KLHDC4: variants seen among roughly 807,000 people sequenced by gnomAD.
KLHDC4 encodes the protein kelch domain containing 4, also known as kelch domain-containing protein 4.
In KLHDC4, 90 loss-of-function variants were observed where a neutral mutation model predicts 62.4. The observed-to-expected ratio is 1.44, with a 90% CI of 1.22 to 1.72. The LOEUF is 1.72. Among genes scored for constraint, KLHDC4 ranks in the 40% most tolerant of loss-of-function variants. The probability of loss-of-function intolerance (pLI) is 0.00; values close to 1 mark genes in which losing one functional copy is unlikely to be tolerated. For missense variants in KLHDC4, 1,025 were observed against 699.7 expected, an observed-to-expected ratio of 1.47 and a Z score of -5.25; for synonymous variants, 386 against 284.4, an observed-to-expected ratio of 1.36 and a Z score of -3.59.
At chr16:87,737,323 C>G (rs1242138117) in intron 5 of KLHDC4, among the ~76,000 whole-genome samples, 3 of 151,878 alleles carry the variant, frequency 2.0e-5, no homozygotes, top group Non-Finnish European at 4.4e-5. Context: ...GGCGGTGGCT[C>G]ACGCCTGTAA....
At chr16:87,698,580 A>G (rs184165213) in exon 1 of KLHDC4, 28 of 152,352 alleles carry the variant, frequency 1.8e-4, no homozygotes, top group Admixed American at 5.9e-4. Context: ...CACAACCTAG[A>G]AAACCAAGGC....
At chr16:87,706,396 T>C (rs1271611361), downstream of KLHDC4, among the ~76,000 whole-genome samples, 18 of 105,454 alleles carry the variant, frequency 1.7e-4, no homozygotes, top group African/African-American at 5.4e-4. Flanking sequence ...GGGGGGTTGG[T>C]CGGCACAACA....
chr16:87,743,232 A>C (rs1316146595), intron 5 of KLHDC4, among the ~76,000 whole-genome samples: 1 of 152,138 alleles, frequency 6.6e-6, no homozygotes, highest in Non-Finnish European at 1.5e-5. Context: ...CAGCCTCCCA[A>C]GTAGCTGGGA....
chr16:87,703,618 A>G (rs532004713), downstream of KLHDC4, among the ~76,000 whole-genome samples: 1 of 152,342 alleles, frequency 6.6e-6, no homozygotes, highest in African/African-American at 2.4e-5. Context: ...CCCTCAGTGA[A>G]GCCTGAGTCC....
chr16:87,754,815 G>A (rs2044604761), intron 4 of KLHDC4, among the ~76,000 whole-genome samples: 2 of 152,282 alleles, frequency 1.3e-5, no homozygotes, highest in South Asian at 2.1e-4. Flanking sequence ...ACTCGTTTCC[G>A]CTAATACAAT....
chr16:87,759,467 C>T (rs1169184809), intron 2 of KLHDC4, among the ~76,000 whole-genome samples: 4 of 150,556 alleles, frequency 2.7e-5, no homozygotes, highest in Non-Finnish European at 5.9e-5. Flanking sequence ...AATAAATAGG[C>T]CGGGTACAGT....
intron 5 of KLHDC4, among the ~76,000 whole-genome samples, chr16:87,741,552 G>A (rs1450051940): frequency 2.0e-5 from 3 of 152,310 alleles, no homozygotes; most frequent in Admixed American, 6.5e-5. Context: ...TCCTGAAACC[G>A]TCATCCCTCC....
At chr16:87,741,857 C>G (rs2042289648) in intron 5 of KLHDC4, among the ~76,000 whole-genome samples, 2 of 152,198 alleles carry the variant, frequency 1.3e-5, no homozygotes, top group East Asian at 3.8e-4. Context: ...CCAACTCCCC[C>G]ACAGAAGTAA....
chr16:87,732,144 G>A (rs561823968), intron 5 of KLHDC4, among the ~76,000 whole-genome samples: 36 of 147,798 alleles, frequency 2.4e-4, no homozygotes, highest in African/African-American at 6.8e-4. Context: ...TGCCCAGGCC[G>A]GAGTGCAGTG....
intron 5 of KLHDC4, among the ~76,000 whole-genome samples, chr16:87,732,826 G>C (rs2040624234): frequency 6.6e-6 from 1 of 151,862 alleles, no homozygotes; most frequent in Admixed American, 6.6e-5. Context: ...TGAAAAGGCA[G>C]GTGCAAAGCA....
At chr16:87,725,550 G>C (rs928117983) in intron 7 of KLHDC4, among the ~76,000 whole-genome samples, 1 of 152,208 alleles carries the variant, frequency 6.6e-6, no homozygotes, top group African/African-American at 2.4e-5. Flanking sequence ...AGCTGTGGTT[G>C]AAAATTTTCA....
Position 87,748,823 on chromosome 16 carries a change from G to A in KLHDC4, c.370-14C>T, listed in dbSNP as rs2043440235. On this transcript the variant is annotated splice_polypyrimidine_tract_variant and intron_variant, in intron 4 of 11. Transcript: ENST00000270583. ...CACTACCACCGCCTGTGAAAAGAAAGGTGACAGGTCAGGGCACAGCCACAC... is the reference window on the plus strand; with the variant it reads ...CACTACCACCGCCTGTGAAAAGAAAAGTGACAGGTCAGGGCACAGCCACAC... 1.9e-6 allele frequency: 3 copies of A among 1,611,520 alleles called. No individual in the cohort carries two copies. Among genetic ancestry groups the A allele is most frequent in the Non-Finnish European group, 2.5e-6 (3 of 1,179,520 alleles).
Position 87,755,298 on chromosome 16 carries a change from G to C in KLHDC4, c.271-6C>G, listed in dbSNP as rs769244558. ...AGCTCGTTATACAAAAAAGTCTACA[G>C]GAAGGAAGAAGAATGTCAGTGTCAC... On this transcript the variant is annotated splice_region_variant and splice_polypyrimidine_tract_variant and intron_variant, in intron 3 of 11. Transcript: ENST00000270583. The C allele has an allele frequency of 1.9e-5, 29 of 1,509,808 alleles. No homozygotes were observed. Among genetic ancestry groups the C allele is most frequent in the Admixed American group, 3.4e-5 (2 of 59,554 alleles). 93.5% of individuals were successfully genotyped at this position (1,509,808 alleles called of 1,614,324 possible).
intron 2 of KLHDC4, 83 bp from the exon 3 acceptor site, chr16:87,756,560 G>A (rs927622798): frequency 2.0e-6 from 2 of 1,001,912 alleles, no homozygotes; most frequent in African/African-American, 1.6e-5. Flanking sequence ...AGAATCCTCT[G>A]TCACCACAAA....
Position 87,709,717 on chromosome 16 carries a change from GT to G in KLHDC4, c.1045-51del, listed in dbSNP as rs1488326464. ...GAGCAGCAGCTTCAGCGAGGCAGGGGTCATTCCTGCTATGCCCACAAGGCCA... is the reference window on the plus strand; with the variant it reads ...GAGCAGCAGCTTCAGCGAGGCAGGGGCATTCCTGCTATGCCCACAAGGCCA... On this transcript the variant is annotated intron_variant, in intron 9 of 11. Coordinates refer to ENST00000270583, the MANE Select transcript of KLHDC4 (RefSeq NM_017566.4). The G allele has an allele frequency of 3.3e-6, 5 of 1,500,080 alleles. No homozygotes were observed. In the Admixed American group the frequency reaches 6.4e-5, roughly 19 times the overall value. The allele number at this position is 1,500,080 out of a possible 1,614,324, so 92.9% of individuals were successfully genotyped here.
intron 7 of KLHDC4, among the ~76,000 whole-genome samples, chr16:87,719,209 T>C (rs1178433668): frequency 1.1e-4 from 17 of 152,194 alleles, no homozygotes; most frequent in South Asian, 2.1e-4. Flanking sequence ...ATGATGATGG[T>C]GGTTTTGTCA....
Position 87,709,525 on chromosome 16 carries a change from A to T in KLHDC4, c.1187T>A (p.Val396Asp). The T allele has an allele frequency of 6.2e-7, 1 of 1,612,334 alleles. No homozygotes were observed. ...KEVVAEDGTV[V>D]TIKQVLTAPG... ...CGCGGTGAGCACCTGCTTAATGGTGACCACGGTGCCATCCTCGGCCACCAC... is the reference window on the plus strand; with the variant it reads ...CGCGGTGAGCACCTGCTTAATGGTGTCCACGGTGCCATCCTCGGCCACCAC... Residue 396 changes from valine (V) to aspartate (D), a missense_variant, in exon 10 of 12, where the codon GTC becomes GAC. Val to Asp is a radical substitution (Grantham distance 152). Coordinates refer to ENST00000270583, the MANE Select transcript of KLHDC4 (RefSeq NM_017566.4).
intron 2 of KLHDC4, among the ~76,000 whole-genome samples, chr16:87,758,742 C>A (rs1202783999): frequency 6.6e-6 from 1 of 152,216 alleles, no homozygotes; most frequent in Non-Finnish European, 1.5e-5. Flanking sequence ...GCATTCGAAG[C>A]TGTCCTGGGC....
intron 1 of KLHDC4, among the ~76,000 whole-genome samples, chr16:87,764,180 G>A (rs1405352366): frequency 6.6e-6 from 1 of 152,214 alleles, no homozygotes; most frequent in East Asian, 1.9e-4. Flanking sequence ...AGAAAGAGAT[G>A]ATCCTCTGTG....
Sources: gnomAD v4.1 joint callset for allele counts (sites outside exome capture counted in the v4.1 genomes callset) on GRCh38, gnomAD v4.1.1 for gene constraint, MANE v1.5 for transcripts, NCBI Gene and HGNC (gene_info 2026-07-23, HGNC 2026-07-21) for gene names.